Variants in RUBCN observed in about 807,000 individuals in gnomAD.
RUBCN encodes the protein rubicon autophagy regulator, also known as run domain Beclin-1-interacting and cysteine-rich domain-containing protein.
RUBCN carries 74 observed loss-of-function variants against 113.2 expected under a neutral mutation model. That is an observed-to-expected ratio of 0.65 (90% CI 0.54 to 0.79). The LOEUF is 0.79. Ranked by LOEUF, RUBCN falls within the 30% of genes least tolerant of loss-of-function variation. The pLI is 0.00. For missense variants in RUBCN, 1,109 were observed against 1,251.7 expected (o/e 0.89, Z 1.72); for synonymous variants, 480 against 490.0 (o/e 0.98, Z 0.27).
At chr3:197,737,048 C>G (rs1728235491), upstream of RUBCN, 1 of 750,734 alleles carries the variant, frequency 1.3e-6, no homozygotes, top group African/African-American at 1.9e-5. Context: ...CCGCGCCCTC[C>G]AATCCCAGGC....
chr3:197,682,484 A>C lies in RUBCN; in HGVS notation c.2112T>G (p.Val704=). ...APPRPQIIFN[V]HPAPTRKIAV... ...TGGCCACTCACGTTGGGGCTGGATG[A>C]ACATTAAAAATTATCTGAGGCCGGG... Residue 704 remains valine (V), a synonymous_variant, in exon 14 of 20, where the codon GTT becomes GTG. Coordinates refer to ENST00000296343, the MANE Select transcript of RUBCN (RefSeq NM_014687.4). 1 of 1,614,208 alleles carries C rather than the reference A, an allele frequency of 6.2e-7. No homozygotes were observed. Among genetic ancestry groups the C allele is most frequent in the Non-Finnish European group, 8.5e-7 (1 of 1,180,036 alleles).
At chr3:197,721,553 G>T (rs929543184) in intron 1 of RUBCN, among the ~76,000 whole-genome samples, 1 of 151,808 alleles carries the variant, frequency 6.6e-6, no homozygotes, top group Non-Finnish European at 1.5e-5. Context: ...CAACTCTTTT[G>T]TTAATCTTTT....
Position 197,669,250 on chromosome 3 carries a change from G to A in RUBCN, c.*5768C>T, listed in dbSNP as rs766695913. On this transcript the variant is annotated 3_prime_UTR_variant, in exon 20 of 20. Coordinates refer to ENST00000296343, the MANE Select transcript of RUBCN (RefSeq NM_014687.4). ...GTTACTTTTAACTAAACTCCAAATT[G>A]TATTCAGATTTTGCCAGTTTTTTCA... Among the ~76,000 whole-genome samples the A allele has an allele frequency of 3.9e-5, 6 of 152,150 alleles. No individual in the cohort carries two copies. The highest frequency in any genetic ancestry group is 8.8e-5 in the Non-Finnish European group (6 of 68,018).
At chr3:197,692,700 A>G (rs1220788562) in intron 11 of RUBCN, among the ~76,000 whole-genome samples, 3 of 152,200 alleles carry the variant, frequency 2.0e-5, no homozygotes, top group Non-Finnish European at 4.4e-5. Context: ...TATTGTTGTC[A>G]TACATAGAAA....
chr3:197,691,645 CT>C (rs1026417787), intron 11 of RUBCN, among the ~76,000 whole-genome samples: 1 of 152,172 alleles, frequency 6.6e-6, no homozygotes, highest in Non-Finnish European at 1.5e-5. Flanking sequence ...GCAACAGTTT[CT>C]AACAGGAGTG....
chr3:197,744,633 C>T (rs1294800569), intron 1 of RUBCN, among the ~76,000 whole-genome samples: 1 of 152,098 alleles, frequency 6.6e-6, no homozygotes, highest in Non-Finnish European at 1.5e-5. Flanking sequence ...AAACATGATA[C>T]TAGAGTCCCT....
chr3:197,680,037 T>C (rs1258728888), intron 16 of RUBCN, among the ~76,000 whole-genome samples: 1 of 150,794 alleles, frequency 6.6e-6, no homozygotes. Context: ...CAGACTGTCC[T>C]ACGCTCTGAC....
chr3:197,697,061 G>C lies in RUBCN; in HGVS notation c.1262-12C>G, dbSNP rs1723095024. 3 of 1,375,482 alleles carry C rather than the reference G, an allele frequency of 2.2e-6. No homozygotes were observed. The African/African-American group carries it at 4.3e-5, about 20-fold the overall frequency. 85.2% of individuals were successfully genotyped at this position (1,375,482 alleles called of 1,614,324 possible). A position where few individuals can be genotyped will look rare whatever the true frequency, so the allele number is the denominator to read the frequency against. On this transcript the variant is annotated splice_polypyrimidine_tract_variant and intron_variant, in intron 7 of 19. Coordinates refer to ENST00000296343, the MANE Select transcript of RUBCN (RefSeq NM_014687.4). ...ATCATTGCAGGATTCTAATGACGAT[G>C]ACCACCAGCGAGTAAAAACACATAC...
chr3:197,730,707 G>C (rs1254606139), intron 1 of RUBCN, among the ~76,000 whole-genome samples: 1 of 151,588 alleles, frequency 6.6e-6, no homozygotes, highest in Non-Finnish European at 1.5e-5. Flanking sequence ...GAGGATGTGG[G>C]GGTTGAAAGG....
At chr3:197,719,285 T>A (rs1006090056) in intron 1 of RUBCN, among the ~76,000 whole-genome samples, 6 of 152,050 alleles carry the variant, frequency 3.9e-5, no homozygotes, top group African/African-American at 1.4e-4. Context: ...GAAACCAGCC[T>A]GGCCAACATG....
In RUBCN at chr3:197,693,804, G is replaced by A; in HGVS notation, c.1697C>T (p.Thr566Ile). 6.2e-7 allele frequency: 1 copy of A among 1,613,718 alleles called. No individual in the cohort carries two copies. Among genetic ancestry groups the A allele is most frequent in the Non-Finnish European group, 8.5e-7 (1 of 1,179,636 alleles). The part of the protein sequence containing the change: ...QEAEHGSFRV[T>I]SSSSQFSSRD... ...TGAGCTGAACTGGGAGCTGCTGGAG[G>A]TGACCCGAAAGCCTGTTATGTTTAA... The change falls in exon 11 of 20, where the codon ACC becomes ATC. Residue 566 changes from threonine (T) to isoleucine (I), a missense_variant. Thr to Ile is a moderately conservative substitution (Grantham distance 89). Transcript: ENST00000296343.
chr3:197,703,463 A>G (rs558546702), intron 5 of RUBCN, 85 bp downstream of exon 5: 3 of 707,226 alleles, frequency 4.2e-6, no homozygotes. Context: ...AAAATGGCTA[A>G]GTGAAAAAGT....
chr3:197,725,909 A>G (rs1726693809), intron 1 of RUBCN, among the ~76,000 whole-genome samples: 1 of 152,138 alleles, frequency 6.6e-6, no homozygotes, highest in Non-Finnish European at 1.5e-5. Flanking sequence ...AGTACTCCTC[A>G]GGTTAGGTAC....
chr3:197,742,592 A>T (rs1728570472), intron 1 of RUBCN, among the ~76,000 whole-genome samples: 1 of 152,242 alleles, frequency 6.6e-6, no homozygotes, highest in African/African-American at 2.4e-5. Context: ...CGCTGAGTAA[A>T]GCTGCACAGA....
In RUBCN at chr3:197,681,210, C is replaced by T. The variant is rs370027191; in HGVS notation, c.2349G>A (p.Lys783=). The part of the protein sequence containing the change: ...VSNFSKDLLI[K]IWNDPLFNVQ... ...CGTTGAAGAGAGGATCATTCCAGAT[C>T]TTAATGAGCAGGTCCTTGGAGAAGT... The change falls in exon 16 of 20, where the codon AAG becomes AAA. Residue 783 remains lysine (K), a synonymous_variant. Transcript: ENST00000296343. The surrounding 1 kb of genome is among the most constrained non-coding windows in gnomAD (Gnocchi z 5.5). The T allele has an allele frequency of 2.5e-6, 4 of 1,614,186 alleles. No individual in the cohort carries two copies. The African/African-American group carries it at 4.0e-5, about 16-fold the overall frequency.
At chr3:197,747,041 C>T (rs1728776304) in intron 1 of RUBCN, among the ~76,000 whole-genome samples, 1 of 152,066 alleles carries the variant, frequency 6.6e-6, no homozygotes, top group Non-Finnish European at 1.5e-5. Flanking sequence ...GACCTTTTAA[C>T]CCTGGCCCTT....
At position 197,693,730 on chromosome 3, in the gene RUBCN, C is replaced by G. The variant is rs1722688409; in HGVS notation, c.1771G>C (p.Glu591Gln). The G allele has an allele frequency of 6.2e-7, 1 of 1,612,414 alleles. No homozygotes were observed. Among genetic ancestry groups the G allele is most frequent in the Non-Finnish European group, 8.5e-7 (1 of 1,178,462 alleles). The change falls in exon 11 of 20, where the codon GAA (glutamate) becomes CAA (glutamine). Residue 591 changes from glutamate (E) to glutamine (Q), a missense_variant. Transcript: ENST00000296343. ...SDSGSADEVD[E>Q]FEIQDADIRR... ...CACTTCTTACCTTGGATTTCAAATTCATCAACCTCATCAGCAGAGCCAGAG... is the reference window on the plus strand; with the variant it reads ...CACTTCTTACCTTGGATTTCAAATTGATCAACCTCATCAGCAGAGCCAGAG...
At chr3:197,745,544 G>A (rs1383053696) in intron 1 of RUBCN, among the ~76,000 whole-genome samples, 1 of 151,982 alleles carries the variant, frequency 6.6e-6, no homozygotes, top group African/African-American at 2.4e-5. Context: ...GAATCCGGGA[G>A]GCAGAGGTTG....
At position 197,696,951 on chromosome 3, in the gene RUBCN, C is replaced by T. The variant is rs755892300; in HGVS notation, c.1357+3G>A. On this transcript the variant is annotated splice_donor_region_variant and intron_variant, in intron 8 of 19. Transcript: ENST00000296343. The stretch of plus-strand genomic sequence containing the variant: ...TTTTAGCCCTGGCCTTCCTAGTACT[C>T]ACCATATTCCATGTACAGAGAGCTG... 2.0e-6 allele frequency: 3 copies of T among 1,534,454 alleles called. No homozygotes were observed. In the South Asian group the frequency reaches 3.4e-5, roughly 17 times the overall value.
Sources: gnomAD v4.1 joint callset for allele counts (sites outside exome capture counted in the v4.1 genomes callset) on GRCh38, gnomAD v4.1.1 for gene constraint, Gnocchi (gnomAD v3.1) non-coding constraint, MANE v1.5 for transcripts, NCBI Gene and HGNC (gene_info 2026-07-23, HGNC 2026-07-21) for gene names.